Variants in CYRIB observed in about 807,000 individuals in gnomAD.
CYRIB encodes CYFIP-related Rac1 interactor B.
A neutral mutation model predicts 44.2 loss-of-function variants in CYRIB; 8 were observed. That is an observed-to-expected ratio of 0.18 (90% CI 0.11 to 0.33). The LOEUF is 0.33. CYRIB is among the 10% of genes least tolerant of loss of function. The pLI is 1.00. For synonymous variants in CYRIB, 131 were observed against 127.2 expected (o/e 1.03, Z -0.20); for missense variants, 185 against 382.8 (o/e 0.48, Z 4.31).
intron 1 of CYRIB, among the ~76,000 whole-genome samples, chr8:129,919,607 C>T (rs1024707092): frequency 5.3e-5 from 8 of 152,044 alleles, no homozygotes; most frequent in Non-Finnish European, 1.0e-4. Flanking sequence ...TCAGAGAAAG[C>T]TAGAGAAGTG....
At chr8:129,946,363 A>G (rs2094142428) in intron 2 of CYRIB, among the ~76,000 whole-genome samples, 1 of 152,200 alleles carries the variant, frequency 6.6e-6, no homozygotes, top group Non-Finnish European at 1.5e-5. Flanking sequence ...AGTTCTATCA[A>G]CTGTTTCTCT....
chr8:129,855,293 A>C (rs2045620478), intron 6 of CYRIB, among the ~76,000 whole-genome samples: 1 of 151,418 alleles, frequency 6.6e-6, no homozygotes, highest in African/African-American at 2.4e-5. Context: ...TGGGAGGTTG[A>C]GGTGGGAGAA....
At chr8:129,861,451 CT>C (rs200360295) in intron 5 of CYRIB, among the ~76,000 whole-genome samples, 2,203 of 151,952 alleles carry the variant, frequency 0.014, 35 homozygotes, top group African/African-American at 0.045. Flanking sequence ...TTCTTTCTTT[CT>C]TTTTTGAGAC....
At chr8:129,943,833 A>T (rs28634678), upstream of CYRIB, among the ~76,000 whole-genome samples, 34,633 of 145,096 alleles carry the variant, frequency 0.24, 6,851 homozygotes, top group African/African-American at 0.55. Flanking sequence ...TCTCCTGACC[A>T]CGTGATCCGC....
At chr8:129,841,322 A>T (rs1158283860) in exon 12 of CYRIB, 1 of 152,296 alleles carries the variant, frequency 6.6e-6, no homozygotes, top group African/African-American at 2.4e-5. Flanking sequence ...AAGTATATAC[A>T]TAGACAATGA....
intron 2 of CYRIB, among the ~76,000 whole-genome samples, chr8:129,889,434 T>C (rs542771298): frequency 6.6e-6 from 1 of 152,330 alleles, no homozygotes; most frequent in Admixed American, 6.5e-5. Flanking sequence ...GAAATACATT[T>C]CTTAAAGCTA....
At chr8:129,941,376 C>T (rs2093689911), upstream of CYRIB, among the ~76,000 whole-genome samples, 1 of 148,536 alleles carries the variant, frequency 6.7e-6, no homozygotes, top group Admixed American at 6.9e-5. Context: ...CAGGTTCAAG[C>T]GATTCTCCTG....
chr8:129,845,169 T>A (rs1331194054), intron 11 of CYRIB, among the ~76,000 whole-genome samples: 1 of 152,178 alleles, frequency 6.6e-6, no homozygotes, highest in Non-Finnish European at 1.5e-5. Flanking sequence ...GAAACTGAAC[T>A]ACCCTTAAAG....
intron 1 of CYRIB, among the ~76,000 whole-genome samples, chr8:130,007,463 C>A (rs923336275): frequency 2.0e-5 from 3 of 152,180 alleles, no homozygotes; most frequent in Non-Finnish European, 4.4e-5. Flanking sequence ...CACAGAGTTA[C>A]CATGAAAGTA....
intron 1 of CYRIB, among the ~76,000 whole-genome samples, chr8:130,002,391 G>T (rs1221860115): frequency 1.3e-5 from 2 of 152,002 alleles, no homozygotes; most frequent in South Asian, 2.1e-4. Flanking sequence ...AGCCAGAGAG[G>T]TCGAGGCTGC....
At chr8:129,852,397 T>A (rs1169210892) in intron 7 of CYRIB, 119 bp from the exon 10 acceptor site, 1 of 469,148 alleles carries the variant, frequency 2.1e-6, no homozygotes, top group Non-Finnish European at 3.7e-6. Context: ...CATGTATCGA[T>A]AATACTCAAA....
chr8:129,923,725 C>T (rs1013168781), intron 1 of CYRIB, among the ~76,000 whole-genome samples: 1 of 151,910 alleles, frequency 6.6e-6, no homozygotes, highest in Non-Finnish European at 1.5e-5. Context: ...CTTGATAGTA[C>T]ACCATTTATG....
At chr8:129,889,118 C>T (rs1033363033) in intron 2 of CYRIB, among the ~76,000 whole-genome samples, 1 of 151,898 alleles carries the variant, frequency 6.6e-6, no homozygotes, top group African/African-American at 2.4e-5. Flanking sequence ...AATCCTAGGA[C>T]CCTTAAGAAT....
chr8:129,913,396 A>T (rs2079071393), intron 1 of CYRIB, among the ~76,000 whole-genome samples: 1 of 152,232 alleles, frequency 6.6e-6, no homozygotes, highest in South Asian at 2.1e-4. Context: ...TGTTCAATTA[A>T]TTGCAATTAT....
At chr8:130,010,194 T>C (rs897249520) in intron 1 of CYRIB, among the ~76,000 whole-genome samples, 1 of 152,212 alleles carries the variant, frequency 6.6e-6, no homozygotes, top group African/African-American at 2.4e-5. Flanking sequence ...GCCTTCTTTT[T>C]CACTGTGGAT....
intron 2 of CYRIB, among the ~76,000 whole-genome samples, chr8:129,895,872 T>C (rs1171279494): frequency 6.6e-6 from 1 of 152,208 alleles, no homozygotes; most frequent in Non-Finnish European, 1.5e-5. Context: ...CTGCACCTGG[T>C]TTATTTGATC....
At chr8:129,957,313 TAGA>T (rs1270266762) in intron 2 of CYRIB, among the ~76,000 whole-genome samples, 2 of 152,192 alleles carry the variant, frequency 1.3e-5, no homozygotes, top group East Asian at 1.9e-4. Flanking sequence ...GAAATCTGGT[TAGA>T]AGAAGGCCAC....
chr8:129,922,525 A>G lies in CYRIB; in HGVS notation c.-50+17083T>C, dbSNP rs550079614. On this transcript the variant is annotated intron_variant, in intron 1 of 11. Transcript: ENST00000519824. ...AAAATTTGAACATTATTATAAAAGT[A>G]GAACACCCAGAAAAAAATGGCAAAA... Among the ~76,000 whole-genome samples, 66 of 152,344 alleles carry G rather than the reference A, an allele frequency of 4.3e-4. 1 individual carries two copies. Among genetic ancestry groups the G allele is most frequent in the South Asian group, 8.3e-4 (4 of 4,824 alleles).
chr8:129,871,361 T>C lies in CYRIB; in HGVS notation c.195+14A>G, dbSNP rs781416875. 9 of 1,597,528 alleles carry C rather than the reference T, an allele frequency of 5.6e-6. No individual in the cohort carries two copies. In the Admixed American group the frequency reaches 1.1e-4, roughly 19 times the overall value. ...AAGTTTCAGTTAACTAGAAAATACA[T>C]AAATGCGCTTTACCTCTCGTATTTC... On this transcript the variant is annotated intron_variant, in intron 4 of 11. Transcript: ENST00000519824.
Sources: allele counts gnomAD v4.1 joint callset (sites outside exome capture counted in the v4.1 genomes callset), GRCh38; gene constraint gnomAD v4.1.1; transcripts MANE v1.5; gene names NCBI Gene and HGNC (gene_info 2026-07-23, HGNC 2026-07-21).